PELI2: variants seen among roughly 807,000 people sequenced by gnomAD.
PELI2 encodes the protein pellino E3 ubiquitin protein ligase family member 2, also known as E3 ubiquitin-protein ligase pellino homolog 2.
PELI2 carries 23 observed loss-of-function variants against 42.3 expected under a neutral mutation model. That is an observed-to-expected ratio of 0.54 (90% confidence interval 0.39 to 0.77). The LOEUF (loss-of-function observed/expected upper bound fraction) is 0.77. PELI2 is among the 30% of genes least tolerant of loss of function. PELI2 has a pLI of 0.00. For synonymous variants in PELI2, 245 were observed against 212.2 expected (o/e 1.15, Z -1.34); for missense variants, 463 against 553.2 (o/e 0.84, Z 1.64).
At chr14:56,294,864 A>G (rs893422513) in intron 5 of PELI2, among the ~76,000 whole-genome samples, 4 of 152,184 alleles carry the variant, frequency 2.6e-5, no homozygotes, top group African/African-American at 9.7e-5. Flanking sequence ...CAATCCTATA[A>G]GACATGTATT....
intron 3 of PELI2, among the ~76,000 whole-genome samples, chr14:56,286,684 T>C (rs1246660802): frequency 6.6e-6 from 1 of 152,222 alleles, no homozygotes; most frequent in Admixed American, 6.5e-5. Context: ...AGGCTGCAAG[T>C]TTTCCACATT....
intron 2 of PELI2, among the ~76,000 whole-genome samples, chr14:56,192,403 A>G (rs962963815): frequency 6.6e-6 from 1 of 152,144 alleles, no homozygotes; most frequent in Non-Finnish European, 1.5e-5. Context: ...CCTCAGCACC[A>G]TTGGCAGTTT....
At chr14:56,199,147 A>G (rs1313560794) in intron 2 of PELI2, among the ~76,000 whole-genome samples, 2 of 152,192 alleles carry the variant, frequency 1.3e-5, no homozygotes, top group Admixed American at 6.5e-5. Flanking sequence ...AAACAATTTT[A>G]TTACTATCAT....
intron 1 of PELI2, among the ~76,000 whole-genome samples, chr14:56,129,318 C>T (rs761328852): frequency 6.6e-6 from 1 of 152,256 alleles, no homozygotes; most frequent in African/African-American, 2.4e-5. Context: ...TGCCAAAGAA[C>T]AGTTGCTCAC....
In PELI2 at chr14:56,118,598, T is replaced by TCGGCGGGGATCG. The variant is rs1882936254; in HGVS notation, c.-56_-45dup. The TCGGCGGGGATCG allele has an allele frequency of 9.2e-7, 1 of 1,083,134 alleles. No homozygotes were observed. Among genetic ancestry groups the TCGGCGGGGATCG allele is most frequent in the Non-Finnish European group, 1.2e-6 (1 of 822,924 alleles). 67.1% of individuals were successfully genotyped at this position (1,083,134 alleles called of 1,614,324 possible). A position where few individuals can be genotyped will look rare whatever the true frequency, so the allele number is the denominator to read the frequency against. On this transcript the variant is annotated 5_prime_UTR_variant, in exon 1 of 6. Coordinates refer to ENST00000267460, the MANE Select transcript of PELI2 (RefSeq NM_021255.3). ...ATGGGATTGTAGCGGCGGCGCGGAC[T>TCGGCGGGGATCG]CGGCGGGGATCGCGGCGGAGGCGGC...
At chr14:56,192,902 T>C (rs1311069904) in intron 2 of PELI2, among the ~76,000 whole-genome samples, 1 of 152,198 alleles carries the variant, frequency 6.6e-6, no homozygotes, top group African/African-American at 2.4e-5. Context: ...TGTCACAGAA[T>C]GGAGACCTAA....
At chr14:56,119,745 T>G (rs1300339771) in intron 1 of PELI2, 1 of 974,586 alleles carries the variant, frequency 1.0e-6, no homozygotes, top group African/African-American at 1.8e-5. Context: ...AAGGAACAAC[T>G]TGGGTTTAGT....
At chr14:56,137,031 C>G (rs1177560461) in intron 1 of PELI2, among the ~76,000 whole-genome samples, 1 of 152,172 alleles carries the variant, frequency 6.6e-6, no homozygotes, top group Non-Finnish European at 1.5e-5. Context: ...GTTGACTGGA[C>G]AGGTTTGCTT....
chr14:56,266,473 A>G (rs1309963174), intron 2 of PELI2, among the ~76,000 whole-genome samples: 7 of 152,040 alleles, frequency 4.6e-5, no homozygotes, highest in Admixed American at 4.6e-4. Flanking sequence ...AAAAAAAGAG[A>G]TAACTCTTAA....
intron 2 of PELI2, among the ~76,000 whole-genome samples, chr14:56,207,156 T>C (rs1388464268): frequency 6.6e-6 from 1 of 152,184 alleles, no homozygotes; most frequent in East Asian, 1.9e-4. Context: ...CTAAGATTAC[T>C]AGATTACTAG....
chr14:56,236,277 G>A (rs1319786136), intron 2 of PELI2, among the ~76,000 whole-genome samples: 9 of 152,148 alleles, frequency 5.9e-5, no homozygotes, highest in African/African-American at 1.2e-4. Flanking sequence ...TTCTAGCTAC[G>A]GCTCTTTGTG....
At chr14:56,194,503 T>C (rs768119559) in intron 2 of PELI2, among the ~76,000 whole-genome samples, 28 of 152,232 alleles carry the variant, frequency 1.8e-4, no homozygotes, top group Non-Finnish European at 2.9e-4. Flanking sequence ...AGTGGACATT[T>C]GTGAATGGAC....
chr14:56,178,738 G>A (rs553739816), intron 2 of PELI2, among the ~76,000 whole-genome samples: 10 of 152,290 alleles, frequency 6.6e-5, no homozygotes, highest in African/African-American at 1.4e-4. Flanking sequence ...ATTGCAGCCC[G>A]TCTCCTGGGG....
intron 1 of PELI2, among the ~76,000 whole-genome samples, chr14:56,136,685 C>T (rs565757595): frequency 2.0e-5 from 3 of 152,202 alleles, no homozygotes; most frequent in South Asian, 2.1e-4. Context: ...ATGCATAAAG[C>T]GCAGAATTTA....
At chr14:56,258,247 C>T (rs1028690123) in intron 2 of PELI2, among the ~76,000 whole-genome samples, 2 of 152,086 alleles carry the variant, frequency 1.3e-5, no homozygotes, top group Non-Finnish European at 2.9e-5. Context: ...AAGTTAACTG[C>T]CTACCAGAAC....
chr14:56,124,747 A>G (rs1883188979), intron 1 of PELI2, among the ~76,000 whole-genome samples: 1 of 152,186 alleles, frequency 6.6e-6, no homozygotes, highest in African/African-American at 2.4e-5. Flanking sequence ...TGCCAGGATG[A>G]GATGGGGATG....
chr14:56,226,183 C>T (rs1300251303), intron 2 of PELI2, among the ~76,000 whole-genome samples: 1 of 152,198 alleles, frequency 6.6e-6, no homozygotes, highest in East Asian at 1.9e-4. Flanking sequence ...AGGTCTGACC[C>T]ACCTGTCTCG....
intron 2 of PELI2, among the ~76,000 whole-genome samples, chr14:56,201,188 C>T (rs939216149): frequency 1.4e-4 from 21 of 152,192 alleles, no homozygotes; most frequent in Non-Finnish European, 2.6e-4. Flanking sequence ...AGATAAGTAC[C>T]GTTTCCATGC....
At chr14:56,231,633 C>A (rs1887575982) in intron 2 of PELI2, among the ~76,000 whole-genome samples, 1 of 152,144 alleles carries the variant, frequency 6.6e-6, no homozygotes. Context: ...GTTTATAGCA[C>A]TAAATGCTCA....
Sources: gnomAD v4.1 joint callset for allele counts (sites outside exome capture counted in the v4.1 genomes callset) on GRCh38, gnomAD v4.1.1 for gene constraint, MANE v1.5 for transcripts, NCBI Gene and HGNC (gene_info 2026-07-23, HGNC 2026-07-21) for gene names.